Variants in CAMK2N1 observed in about 807,000 individuals in gnomAD.
CAMK2N1 encodes calcium/calmodulin dependent protein kinase II inhibitor 1, also known as calcium/calmodulin-dependent protein kinase II inhibitor 1.
In CAMK2N1, 2 loss-of-function variants were observed where a neutral mutation model predicts 6.4. That is an observed-to-expected ratio of 0.31 (90% CI 0.13 to 0.98). CAMK2N1 has a LOEUF of 0.98. CAMK2N1 is among the 50% of genes least tolerant of loss of function. CAMK2N1 has a pLI of 0.51. For missense variants in CAMK2N1, 77 were observed against 107.3 expected (o/e 0.72, Z 1.25); for synonymous variants, 42 against 47.5 (o/e 0.88, Z 0.47).
At position 20,483,625 on chromosome 1, in the gene CAMK2N1, C is replaced by T; in HGVS notation, c.*24G>A. ...TGTTACCGCCGTTCTTATTCTCTCCCTTAACTCATTGTCTTTGGGGGAGTT... is the reference window on the plus strand; with the variant it reads ...TGTTACCGCCGTTCTTATTCTCTCCTTTAACTCATTGTCTTTGGGGGAGTT... On this transcript the variant is annotated 3_prime_UTR_variant, in exon 2 of 2. Transcript: ENST00000375078. The T allele has an allele frequency of 1.2e-6, 2 of 1,600,514 alleles. No homozygotes were observed. The highest frequency in any genetic ancestry group is 2.2e-5 in the South Asian group (2 of 90,784).
Position 20,484,785 on chromosome 1 carries a change from C to G in CAMK2N1, c.166+429G>C, listed in dbSNP as rs978640468. On this transcript the variant is annotated intron_variant, in intron 1 of 1. Coordinates refer to ENST00000375078, the MANE Select transcript of CAMK2N1 (RefSeq NM_018584.6). This position sits in a 1 kb window ranked among gnomAD's most constrained non-coding sequence, Gnocchi z 6.8. ...GCCAAGTAACAATGAAAAGCCCGTG[C>G]GACCCGAACACCCTAGCCTTCCCCG... 6.2e-6 allele frequency: 1 copy of G among 160,170 alleles called. No individual in the cohort carries two copies. The highest frequency in any genetic ancestry group is 2.4e-5 in the African/African-American group (1 of 41,788). The allele number at this position is 160,170 out of a possible 1,614,324, so 9.9% of individuals were successfully genotyped here.
chr1:20,483,502 C>T lies in CAMK2N1; in HGVS notation c.*147G>A. 1.4e-6 allele frequency: 1 copy of T among 691,458 alleles called. No homozygotes were observed. The highest frequency in any genetic ancestry group is 2.6e-6 in the Non-Finnish European group (1 of 386,384). 42.8% of individuals were successfully genotyped at this position (691,458 alleles called of 1,614,324 possible). A position where few individuals can be genotyped will look rare whatever the true frequency, so the allele number is the denominator to read the frequency against. On this transcript the variant is annotated 3_prime_UTR_variant, in exon 2 of 2. Coordinates refer to ENST00000375078, the MANE Select transcript of CAMK2N1 (RefSeq NM_018584.6). The stretch of plus-strand genomic sequence containing the variant: ...TCCTCCTCTCGCCTCATCTGTCTCC[C>T]GGCCTGATACCAGATACAGGTTGTT...
chr1:20,483,201 T>G lies in CAMK2N1; in HGVS notation c.*448A>C, dbSNP rs924950287. ...ACCATTTTTGCAAGATTAAATAATG[T>G]AAACATTGGGAACAGCCAAATCAGC... On this transcript the variant is annotated 3_prime_UTR_variant, in exon 2 of 2. Coordinates refer to ENST00000375078, the MANE Select transcript of CAMK2N1 (RefSeq NM_018584.6). 1 of 152,700 alleles carries G rather than the reference T, an allele frequency of 6.5e-6. No individual in the cohort carries two copies. The highest frequency in any genetic ancestry group is 1.5e-5 in the Non-Finnish European group (1 of 68,164). 9.5% of individuals were successfully genotyped at this position (152,700 alleles called of 1,614,324 possible). A position where few individuals can be genotyped will look rare whatever the true frequency, so the allele number is the denominator to read the frequency against.
In CAMK2N1 at chr1:20,485,010, G is replaced by A. The variant is rs2051499047; in HGVS notation, c.166+204C>T. On this transcript the variant is annotated intron_variant, in intron 1 of 1. Transcript: ENST00000375078. The surrounding 1 kb of genome is among the most constrained non-coding windows in gnomAD (Gnocchi z 8.4). ...CTGCTAGAAGCCGCCACGCCCCCAG[G>A]GTGACCCAGCCGGGGATCCGGCTTA... Among the ~76,000 whole-genome samples, 2 of 152,194 alleles carry A rather than the reference G, an allele frequency of 1.3e-5. No homozygotes were observed. The highest frequency in any genetic ancestry group is 1.3e-4 in the Admixed American group (2 of 15,290).
In CAMK2N1 at chr1:20,483,653, A is replaced by T. The variant is rs2051486390; in HGVS notation, c.233T>A (p.Val78Asp). The change falls in exon 2 of 2, where the codon GTC becomes GAC. Residue 78 changes from valine to aspartate, a missense_variant. Val to Asp is a radical substitution (Grantham distance 152). Transcript: ENST00000375078. ...KNMTDKAPPG[V>D] Reference sequence around the variant, plus strand: ...AACTCATTGTCTTTGGGGGAGTTAGACACCAGGAGGTGCCTTGTCGGTCAT... The same window carrying T: ...AACTCATTGTCTTTGGGGGAGTTAGTCACCAGGAGGTGCCTTGTCGGTCAT... The T allele has an allele frequency of 1.2e-6, 2 of 1,612,962 alleles. No homozygotes were observed. Among genetic ancestry groups the T allele is most frequent in the South Asian group, 2.2e-5 (2 of 91,064 alleles).
In CAMK2N1 at chr1:20,483,492, A is replaced by C; in HGVS notation, c.*157T>G. 1.6e-6 allele frequency: 1 copy of C among 626,896 alleles called. No individual in the cohort carries two copies. The highest frequency in any genetic ancestry group is 2.9e-6 in the Non-Finnish European group (1 of 347,416). The allele number at this position is 626,896 out of a possible 1,614,324, so 38.8% of individuals were successfully genotyped here. ...CTCCTCCTCCTCCTCCTCTCGCCTCATCTGTCTCCCGGCCTGATACCAGAT... is the reference window on the plus strand; with the variant it reads ...CTCCTCCTCCTCCTCCTCTCGCCTCCTCTGTCTCCCGGCCTGATACCAGAT... On this transcript the variant is annotated 3_prime_UTR_variant, in exon 2 of 2. Transcript: ENST00000375078.
In CAMK2N1 at chr1:20,483,348, T is replaced by C. The variant is rs140536427; in HGVS notation, c.*301A>G. On this transcript the variant is annotated 3_prime_UTR_variant, in exon 2 of 2. Coordinates refer to ENST00000375078, the MANE Select transcript of CAMK2N1 (RefSeq NM_018584.6). ...AGAAATGGATATTAATTTTGACAAA[T>C]AGCTGCAACTGAGACTTCTTTTTAT... 70 of 169,444 alleles carry C rather than the reference T, an allele frequency of 4.1e-4. No individual in the cohort carries two copies. Among genetic ancestry groups the C allele is most frequent in the African/African-American group, 1.5e-3 (65 of 42,110 alleles). The allele number at this position is 169,444 out of a possible 1,614,324, so 10.5% of individuals were successfully genotyped here. A position where few individuals can be genotyped will look rare whatever the true frequency, so the allele number is the denominator to read the frequency against.
In CAMK2N1 at chr1:20,484,889, G is replaced by C. The variant is rs115427450; in HGVS notation, c.166+325C>G. 1.5e-3 allele frequency among the ~76,000 whole-genome samples: 235 copies of C among 152,312 alleles called. 2 individuals carry two copies. The highest frequency in any genetic ancestry group is 5.3e-3 in the African/African-American group (219 of 41,582). ...GGGACCCCCTCCCCACAGGGTTATG[G>C]AGCGAGTGCAGCTGTGACTACACTG... On this transcript the variant is annotated intron_variant, in intron 1 of 1. Transcript: ENST00000375078. The surrounding 1 kb of genome is among the most constrained non-coding windows in gnomAD (Gnocchi z 6.8).
Position 20,483,688 on chromosome 1 carries a change from C to G in CAMK2N1, c.198G>C (p.Val66=). 6.2e-7 allele frequency: 1 copy of G among 1,614,110 alleles called. No homozygotes were observed. Among genetic ancestry groups the G allele is most frequent in the Non-Finnish European group, 8.5e-7 (1 of 1,180,024 alleles). Residue 66 remains valine (V), a synonymous_variant, in exon 2 of 2, where the codon GTG becomes GTC. Transcript: ENST00000375078. ...GTGCCTTGTCGGTCATATTTTTCAG[C>G]ACGTCATCAATCCTATCATCTTCAA... is the stretch of plus-strand genomic sequence containing the variant. The part of the protein sequence containing the change: ...VVIEDDRIDD[V]LKNMTDKAPP...
rs1209143356 is a variant in CAMK2N1, at chr1:20,485,855, A to AGGGGCGGAGGGGGAGGGGAGGG, written c.-498_-477dup. 3.0e-5 allele frequency: 1 copy of AGGGGCGGAGGGGGAGGGGAGGG among 33,140 alleles called. No homozygotes were observed. Among genetic ancestry groups the AGGGGCGGAGGGGGAGGGGAGGG allele is most frequent in the African/African-American group, 1.2e-4 (1 of 8,454 alleles). 2.1% of individuals were successfully genotyped at this position (33,140 alleles called of 1,614,324 possible). The stretch of plus-strand genomic sequence containing the variant: ...GGGAGCTGCGAGCGGCGGGGCTGCG[A>AGGGGCGGAGGGGGAGGGGAGGG]GGGGCGGAGGGGGAGGGGAGGGAGA... On this transcript the variant is annotated 5_prime_UTR_variant, in exon 1 of 2. Coordinates refer to ENST00000375078, the MANE Select transcript of CAMK2N1 (RefSeq NM_018584.6). This position sits in a 1 kb window ranked among gnomAD's most constrained non-coding sequence, Gnocchi z 8.4.
Position 20,482,903 on chromosome 1 carries a change from TAAAA to T in CAMK2N1, c.*742_*745del, listed in dbSNP as rs766892818. ...TGTGTGTGTGTGTGTTTTTCTGACA[TAAAA>T]AATGTGTCCATTTGCATTAACTTGG... On this transcript the variant is annotated 3_prime_UTR_variant, in exon 2 of 2. Transcript: ENST00000375078. 6.2e-5 allele frequency: 9 copies of T among 146,238 alleles called. No individual in the cohort carries two copies. In the East Asian group the frequency reaches 1.9e-3, roughly 32 times the overall value. The allele number at this position is 146,238 out of a possible 1,614,324, so 9.1% of individuals were successfully genotyped here.
rs2051493999 is a variant in CAMK2N1, at chr1:20,484,380, C to G, written c.167-661G>C. On this transcript the variant is annotated intron_variant, in intron 1 of 1. Transcript: ENST00000375078. The surrounding 1 kb of genome is among the most constrained non-coding windows in gnomAD (Gnocchi z 6.8). ...GGCCTCTCTTACCGTCTCGACTTAG[C>G]CTCGCCTTTCTCAGTCCCTCCATCG... is the stretch of plus-strand genomic sequence containing the variant. 6.6e-6 allele frequency: 1 copy of G among 152,446 alleles called. No individual in the cohort carries two copies. The highest frequency in any genetic ancestry group is 2.1e-4 in the South Asian group (1 of 4,844). 9.4% of individuals were successfully genotyped at this position (152,446 alleles called of 1,614,324 possible).
In CAMK2N1 at chr1:20,485,200, G is replaced by A. The variant is rs1384206981; in HGVS notation, c.166+14C>T. 6.3e-7 allele frequency: 1 copy of A among 1,587,026 alleles called. No individual in the cohort carries two copies. The highest frequency in any genetic ancestry group is 8.5e-7 in the Non-Finnish European group (1 of 1,170,092). The stretch of plus-strand genomic sequence containing the variant: ...GGAAAAAGGGGGTGTCAGACAAGGG[G>A]GCCGCGAACTCACCCCGCTTGCTCC... On this transcript the variant is annotated intron_variant, in intron 1 of 1. Transcript: ENST00000375078. The surrounding 1 kb of genome is among the most constrained non-coding windows in gnomAD (Gnocchi z 8.4).
chr1:20,485,260 C>T lies in CAMK2N1; in HGVS notation c.120G>A (p.Gln40=). Residue 40 remains glutamine (Q), a synonymous_variant, in exon 1 of 2, where the codon CAG becomes CAA. Coordinates refer to ENST00000375078, the MANE Select transcript of CAMK2N1 (RefSeq NM_018584.6). This position sits in a 1 kb window ranked among gnomAD's most constrained non-coding sequence, Gnocchi z 8.4. ...QDTNNFFGAG[Q]NKRPPKLGQI... ...GGCCCAGCTTGGGCGGCCGCTTGTT[C>T]TGCCCGGCGCCGAAGAAGTTGTTGG... 1 of 1,597,516 alleles carries T rather than the reference C, an allele frequency of 6.3e-7. No homozygotes were observed.
At position 20,483,285 on chromosome 1, in the gene CAMK2N1, C is replaced by A. The variant is rs1220433321; in HGVS notation, c.*364G>T. The A allele has an allele frequency of 1.3e-5, 2 of 153,576 alleles. No homozygotes were observed. Among genetic ancestry groups the A allele is most frequent in the African/African-American group, 2.4e-5 (1 of 41,392 alleles). The allele number at this position is 153,576 out of a possible 1,614,324, so 9.5% of individuals were successfully genotyped here. On this transcript the variant is annotated 3_prime_UTR_variant, in exon 2 of 2. Coordinates refer to ENST00000375078, the MANE Select transcript of CAMK2N1 (RefSeq NM_018584.6). ...GCCGCTTCATTAAGTGGTTCAAAATCCAGATCTATAATTGCGCAATATTCA... is the reference window on the plus strand; with the variant it reads ...GCCGCTTCATTAAGTGGTTCAAAATACAGATCTATAATTGCGCAATATTCA...
Position 20,485,706 on chromosome 1 carries a change from C to G in CAMK2N1, c.-327G>C, listed in dbSNP as rs2051507234. On this transcript the variant is annotated 5_prime_UTR_variant, in exon 1 of 2. Coordinates refer to ENST00000375078, the MANE Select transcript of CAMK2N1 (RefSeq NM_018584.6). The surrounding 1 kb of genome is among the most constrained non-coding windows in gnomAD (Gnocchi z 8.4). ...GGCCGGGCCGGGCGGGGCCGCGAGC[C>G]GGGAGGGAGGAGACGTCCCTGCGAG... 3 of 151,380 alleles carry G rather than the reference C, an allele frequency of 2.0e-5. No homozygotes were observed. Among genetic ancestry groups the G allele is most frequent in the Admixed American group, 2.0e-4 (3 of 15,144 alleles). 9.4% of individuals were successfully genotyped at this position (151,380 alleles called of 1,614,324 possible). A position where few individuals can be genotyped will look rare whatever the true frequency, so the allele number is the denominator to read the frequency against.
rs577710318 is a variant in CAMK2N1 at position 20,483,024 on chromosome 1, T to C, written c.*625A>G. On this transcript the variant is annotated 3_prime_UTR_variant, in exon 2 of 2. Transcript: ENST00000375078. ...TGTATCATTCCTTAGAAAAGTTCTC[T>C]TCTTGTTTTAAACACATTCCTGATA... is the stretch of plus-strand genomic sequence containing the variant. 6.6e-6 allele frequency: 1 copy of C among 152,626 alleles called. No homozygotes were observed. The highest frequency in any genetic ancestry group is 2.4e-5 in the African/African-American group (1 of 41,572). 9.5% of individuals were successfully genotyped at this position (152,626 alleles called of 1,614,324 possible). A position where few individuals can be genotyped will look rare whatever the true frequency, so the allele number is the denominator to read the frequency against.
chr1:20,485,288 T>C lies in CAMK2N1; in HGVS notation c.92A>G (p.Asp31Gly). 1 of 1,598,392 alleles carries C rather than the reference T, an allele frequency of 6.3e-7. No homozygotes were observed. ...CCCGGCGCCGAAGAAGTTGTTGGTG[T>C]CCTGCAGGCGGCAGGAGAAGATCTG... is the stretch of plus-strand genomic sequence containing the variant. ...VGQIFSCRLQ[D>G]TNNFFGAGQN... Residue 31 changes from aspartate to glycine, a missense_variant, in exon 1 of 2, where the codon GAC becomes GGC. Asp to Gly is a moderately conservative substitution (Grantham distance 94, BLOSUM62 -1). Transcript: ENST00000375078. The surrounding 1 kb of genome is among the most constrained non-coding windows in gnomAD (Gnocchi z 8.4).
Position 20,482,569 on chromosome 1 carries a change from T to C in CAMK2N1, c.*1080A>G, listed in dbSNP as rs2051476548. 1 of 152,586 alleles carries C rather than the reference T, an allele frequency of 6.6e-6. No individual in the cohort carries two copies. The allele number at this position is 152,586 out of a possible 1,614,324, so 9.5% of individuals were successfully genotyped here. On this transcript the variant is annotated 3_prime_UTR_variant, in exon 2 of 2. Transcript: ENST00000375078. ...AAAAGATTTCCTCACGCAAGAGGCA[T>C]TTTTGCAAATACCATGCAAAACAGG...
Sources: gnomAD v4.1 joint callset for allele counts (sites outside exome capture counted in the v4.1 genomes callset) on GRCh38, gnomAD v4.1.1 for gene constraint, Gnocchi (gnomAD v3.1) non-coding constraint, MANE v1.5 for transcripts, NCBI Gene and HGNC (gene_info 2026-07-23, HGNC 2026-07-21) for gene names.